Variants in PSD2 observed in about 807,000 individuals in gnomAD.
PSD2 encodes pleckstrin and Sec7 domain containing 2, also known as PH and SEC7 domain-containing protein 2.
PSD2 carries 38 observed loss-of-function variants against 69.8 expected under a neutral mutation model. That is an observed-to-expected ratio of 0.54 (90% CI 0.42 to 0.71). The LOEUF is 0.71. PSD2 is among the 30% of genes least tolerant of loss of function. PSD2 has a pLI of 0.00. For synonymous variants in PSD2, 412 were observed against 423.0 expected (o/e 0.97, Z 0.32); for missense variants, 943 against 1,014.5 (o/e 0.93, Z 0.96).
At chr5:139,761,051 A>G in the PSD2 span, among the ~76,000 whole-genome samples, 1 of 152,212 alleles carries the variant, frequency 6.6e-6, no homozygotes, top group African/African-American at 2.4e-5. Context: ...CTTATCCCCA[A>G]GATGCCATAG....
chr5:139,806,441 A>G (rs1327472405), intron 1 of PSD2, among the ~76,000 whole-genome samples: 1 of 152,216 alleles, frequency 6.6e-6, no homozygotes, highest in Non-Finnish European at 1.5e-5. Context: ...GGTTCTAGAG[A>G]CAGCTACGCT....
Position 139,814,223 on chromosome 5 carries a change from C to T in PSD2, c.875C>T (p.Ser292Leu), listed in dbSNP as rs774221131. 2.2e-5 allele frequency: 36 copies of T among 1,613,680 alleles called. No individual in the cohort carries two copies. Among genetic ancestry groups the T allele is most frequent in the East Asian group, 8.9e-5 (4 of 44,868 alleles). Reference protein sequence around the residue: ...LSDSDSELSSSEGLEPGSADP... With the variant: ...LSDSDSELSSLEGLEPGSADP... Reference sequence around the variant, plus strand: ...GACTCAGACTCTGAGCTCAGCAGCTCGGAGGGGTTGGAGCCTGGTAGTGCA... The same window carrying T: ...GACTCAGACTCTGAGCTCAGCAGCTTGGAGGGGTTGGAGCCTGGTAGTGCA... The change falls in exon 4 of 15, where the codon TCG becomes TTG. Residue 292 changes from serine (S) to leucine (L), a missense_variant. Around this residue, in one of 3 missense-constraint regions of PSD2, gnomAD observed 466 missense variants for 445.0 expected, o/e 1.05. Transcript: ENST00000274710. This position sits in a 1 kb window ranked among gnomAD's most constrained non-coding sequence, Gnocchi z 4.4.
chr5:139,778,945 C>CAAAAAAAAAAAAAAAAAAAA, the PSD2 span, among the ~76,000 whole-genome samples: 6 of 99,858 alleles, frequency 6.0e-5, no homozygotes, highest in Admixed American at 1.1e-4. Context: ...AGAAAAAAAA[C>CAAAAAAAAAAAAAAAAAAAA]AAAAAAAAAA....
the PSD2 span, among the ~76,000 whole-genome samples, chr5:139,743,316 G>A: frequency 2.0e-5 from 3 of 152,200 alleles, no homozygotes; most frequent in Admixed American, 6.5e-5. Flanking sequence ...TCCTACCAAC[G>A]CACTGACCCT....
the PSD2 span, among the ~76,000 whole-genome samples, chr5:139,761,862 T>C: frequency 1.3e-5 from 2 of 152,236 alleles, no homozygotes; most frequent in Non-Finnish European, 1.5e-5. Flanking sequence ...TGCCTGCCTT[T>C]TAAGGTGAGT....
chr5:139,813,438 G>C lies in PSD2; in HGVS notation c.501G>C (p.Thr167=). 9 of 1,614,078 alleles carry C rather than the reference G, an allele frequency of 5.6e-6. No individual in the cohort carries two copies. Among genetic ancestry groups the C allele is most frequent in the Non-Finnish European group, 7.6e-6 (9 of 1,179,916 alleles). Residue 167 remains threonine, a synonymous_variant, in exon 3 of 15, where the codon ACG becomes ACC. Coordinates refer to ENST00000274710, the MANE Select transcript of PSD2 (RefSeq NM_032289.4). ...SLDSLDGLSL[T]DESDSCVSFE... is the part of the protein sequence containing the mutation. ...ACTCCCTAGACGGGCTGAGCCTCAC[G>C]GATGAGAGCGACAGCTGCGTCAGCT...
chr5:139,832,583 G>T (rs1410065992), intron 7 of PSD2, among the ~76,000 whole-genome samples: 1 of 152,218 alleles, frequency 6.6e-6, no homozygotes, highest in Non-Finnish European at 1.5e-5. Flanking sequence ...AATCAGCATG[G>T]TAAAGACTCT....
the PSD2 span, among the ~76,000 whole-genome samples, chr5:139,769,867 C>T: frequency 2.6e-5 from 4 of 152,234 alleles, no homozygotes; most frequent in African/African-American, 7.2e-5. Context: ...GCTTCATTGA[C>T]GTGGGGTCAC....
In PSD2 at chr5:139,803,324, C is replaced by T. The variant is rs181551573; in HGVS notation, c.-50-6067C>T. On this transcript the variant is annotated intron_variant, in intron 1 of 14. Transcript: ENST00000274710. Reference sequence around the variant, plus strand: ...CTGACAGCTGCCAAGGACGCATATCCAATGGGTGCTGGCTGAGTGGCCTGT... The same window carrying T: ...CTGACAGCTGCCAAGGACGCATATCTAATGGGTGCTGGCTGAGTGGCCTGT... Among the ~76,000 whole-genome samples the T allele has an allele frequency of 3.7e-3, 560 of 152,338 alleles. 3 individuals carry two copies. Among genetic ancestry groups the T allele is most frequent in the Non-Finnish European group, 5.9e-3 (403 of 68,012 alleles).
At chr5:139,768,734 A>C in the PSD2 span, among the ~76,000 whole-genome samples, 26 of 151,958 alleles carry the variant, frequency 1.7e-4, no homozygotes, top group African/African-American at 5.5e-4. Flanking sequence ...AAAAAAAAAA[A>C]AAAACAACAC....
intron 5 of PSD2, 84 bp downstream of exon 5, chr5:139,817,645 C>A: frequency 8.3e-7 from 1 of 1,209,814 alleles, no homozygotes. Flanking sequence ...CATAAACTTG[C>A]TGTACAACCT....
At chr5:139,794,962 T>C (rs929459052), upstream of PSD2, among the ~76,000 whole-genome samples, 2 of 152,112 alleles carry the variant, frequency 1.3e-5, no homozygotes, top group Admixed American at 1.3e-4. Context: ...GGGCCTTGAC[T>C]TGCCCTTGGG....
In PSD2 at chr5:139,821,890, C is replaced by A. The variant is rs1174296812; in HGVS notation, c.1098-3C>A. ...CCCTCAGCAGCTTTGAATTGCCTTC[C>A]AGAACATTCTTGAAGGCCTTCCCGC... On this transcript the variant is annotated splice_polypyrimidine_tract_variant and splice_region_variant and intron_variant, in intron 5 of 14. Transcript: ENST00000274710. The A allele has an allele frequency of 6.3e-7, 1 of 1,592,188 alleles. No individual in the cohort carries two copies. Among genetic ancestry groups the A allele is most frequent in the Non-Finnish European group, 8.6e-7 (1 of 1,164,366 alleles).
intron 4 of PSD2, among the ~76,000 whole-genome samples, chr5:139,816,011 A>AG (rs1581721735): frequency 6.6e-6 from 1 of 151,392 alleles, no homozygotes; most frequent in African/African-American, 2.4e-5. Context: ...AAAAAAAAAA[A>AG]AAAAAGAAAA....
At chr5:139,816,872 C>T (rs919094314) in intron 4 of PSD2, among the ~76,000 whole-genome samples, 3 of 152,184 alleles carry the variant, frequency 2.0e-5, no homozygotes, top group Non-Finnish European at 4.4e-5. Flanking sequence ...ACGGATGCCT[C>T]GTCCTGAAGT....
At chr5:139,827,683 T>TTGAG in intron 7 of PSD2, among the ~76,000 whole-genome samples, 1 of 152,282 alleles carries the variant, frequency 6.6e-6, no homozygotes, top group Admixed American at 6.5e-5. Flanking sequence ...CTCAGGAAAC[T>TTGAG]TACAATCATG....
the PSD2 span, among the ~76,000 whole-genome samples, chr5:139,750,041 C>T: frequency 6.9e-6 from 1 of 143,922 alleles, no homozygotes; most frequent in African/African-American, 2.5e-5. Context: ...AAAAAAAAAA[C>T]CAGGCTGGGT....
the PSD2 span, among the ~76,000 whole-genome samples, chr5:139,761,058 A>G: frequency 2.6e-5 from 4 of 152,170 alleles, no homozygotes; most frequent in African/African-American, 9.7e-5. Flanking sequence ...CCAAGATGCC[A>G]TAGTCTCAGG....
At position 139,842,364 on chromosome 5, in the gene PSD2, C is replaced by G. The variant is rs755201817; in HGVS notation, c.2206C>G (p.Leu736Val). The G allele has an allele frequency of 4.6e-5, 74 of 1,614,098 alleles. No homozygotes were observed. Among genetic ancestry groups the G allele is most frequent in the Non-Finnish European group, 6.1e-5 (72 of 1,180,046 alleles). ...LERIEARLAT[L>V]EGDDPSLRKT... ...GCGGATTGAGGCCCGGCTGGCCACT[C>G]TGGAAGGGGATGACCCTTCTCTCCG... Residue 736 changes from leucine (L) to valine (V), a missense_variant, in exon 15 of 15, where the codon CTG becomes GTG. Transcript: ENST00000274710.
Sources: gnomAD v4.1 joint callset for allele counts (sites outside exome capture counted in the v4.1 genomes callset) on GRCh38, gnomAD v4.1.1 for gene constraint, gnomAD v4.1.1 regional missense constraint, Gnocchi (gnomAD v3.1) non-coding constraint, MANE v1.5 for transcripts, NCBI Gene and HGNC (gene_info 2026-07-23, HGNC 2026-07-21) for gene names.